Variants in NMNAT2 observed in about 807,000 individuals in gnomAD.
NMNAT2 encodes nicotinamide nucleotide adenylyltransferase 2.
Under a neutral mutation model 41.6 loss-of-function variants are expected in NMNAT2, and 11 were observed. That is an observed-to-expected ratio of 0.26 (90% CI 0.17 to 0.44). NMNAT2 has a LOEUF of 0.44. NMNAT2 is among the 20% of genes least tolerant of loss of function. The pLI, the probability that NMNAT2 is intolerant of heterozygous loss-of-function variation, is 1.00. For synonymous variants in NMNAT2, 148 were observed against 151.2 expected (o/e 0.98, Z 0.16); for missense variants, 288 against 407.7 (o/e 0.71, Z 2.53).
intron 1 of NMNAT2, among the ~76,000 whole-genome samples, chr1:183,409,196 TA>T (rs927078726): frequency 3.3e-5 from 5 of 151,632 alleles, no homozygotes; most frequent in African/African-American, 9.7e-5. Context: ...CTCTAAAAAT[TA>T]AAAAAAAATT....
intron 8 of NMNAT2, among the ~76,000 whole-genome samples, chr1:183,271,584 T>C (rs1456700318): frequency 6.6e-6 from 1 of 152,204 alleles, no homozygotes. Flanking sequence ...TCTTCTAAAC[T>C]TTTCACATGT....
Position 183,249,053 on chromosome 1 carries a change from G to A in NMNAT2, c.*3588C>T, listed in dbSNP as rs917311352. The A allele has an allele frequency of 7.9e-5, 12 of 152,148 alleles. No individual in the cohort carries two copies. Among genetic ancestry groups the A allele is most frequent in the Admixed American group, 7.2e-4 (11 of 15,272 alleles). 9.4% of individuals were successfully genotyped at this position (152,148 alleles called of 1,614,324 possible). A position where few individuals can be genotyped will look rare whatever the true frequency, so the allele number is the denominator to read the frequency against. ...ACTTTCTACTTAATTTGAACAGCAA[G>A]TTCTTTAATTCTTTCTGAGAAGCTG... On this transcript the variant is annotated 3_prime_UTR_variant, in exon 11 of 11. Coordinates refer to ENST00000287713, the MANE Select transcript of NMNAT2 (RefSeq NM_015039.4).
Position 183,251,914 on chromosome 1 carries a change from GGTGCACACGCATGTGTGCGTGT to G in NMNAT2, c.*705_*726del. 1 of 157,526 alleles carries G rather than the reference GGTGCACACGCATGTGTGCGTGT, an allele frequency of 6.3e-6. No homozygotes were observed. The highest frequency in any genetic ancestry group is 1.4e-5 in the Non-Finnish European group (1 of 70,634). The allele number at this position is 157,526 out of a possible 1,614,324, so 9.8% of individuals were successfully genotyped here. A position where few individuals can be genotyped will look rare whatever the true frequency, so the allele number is the denominator to read the frequency against. Reference sequence around the variant, plus strand: ...ATGTGTGTGTGTATGTGCGTGCGCGGGTGCACACGCATGTGTGCGTGTGTGTGTGTGTGCGTGTGTGTGGTGC... The same window carrying G: ...ATGTGTGTGTGTATGTGCGTGCGCGGGTGTGTGTGTGCGTGTGTGTGGTGC... On this transcript the variant is annotated 3_prime_UTR_variant, in exon 11 of 11. Transcript: ENST00000287713.
intron 4 of NMNAT2, among the ~76,000 whole-genome samples, chr1:183,287,690 A>G (rs184776599): frequency 1.3e-5 from 2 of 152,338 alleles, no homozygotes; most frequent in Admixed American, 6.5e-5. Flanking sequence ...TTAGGTTCAC[A>G]GGGGCCACTG....
chr1:183,345,760 C>A (rs976834214), intron 1 of NMNAT2, among the ~76,000 whole-genome samples: 6 of 151,384 alleles, frequency 4.0e-5, no homozygotes, highest in Non-Finnish European at 7.4e-5. Context: ...GATCTCGGCT[C>A]ACTGCAAGCT....
intron 1 of NMNAT2, among the ~76,000 whole-genome samples, chr1:183,317,511 A>C (rs1007921337): frequency 1.3e-5 from 2 of 152,154 alleles, no homozygotes; most frequent in Admixed American, 6.5e-5. Flanking sequence ...GGCTCCAGCT[A>C]TCCTCCTGCC....
At position 183,283,984 on chromosome 1, in the gene NMNAT2, G is replaced by T; in HGVS notation, c.574+11C>A. The T allele has an allele frequency of 6.2e-7, 1 of 1,613,878 alleles. No individual in the cohort carries two copies. The highest frequency in any genetic ancestry group is 8.5e-7 in the Non-Finnish European group (1 of 1,179,836). ...TGTCCCCATTTTCCGCACTTTCGCA[G>T]TCCCACTCACCAATCTCTTCATACC... is the stretch of plus-strand genomic sequence containing the variant. On this transcript the variant is annotated intron_variant, in intron 7 of 10. Coordinates refer to ENST00000287713, the MANE Select transcript of NMNAT2 (RefSeq NM_015039.4).
intron 5 of NMNAT2, 139 bp downstream of exon 5, chr1:183,286,523 C>G (rs570914496): frequency 1.5e-6 from 1 of 649,170 alleles, no homozygotes; most frequent in South Asian, 2.4e-5. Context: ...GCATCAGCAG[C>G]ACCTTATTAA....
intron 1 of NMNAT2, among the ~76,000 whole-genome samples, chr1:183,396,485 T>C (rs1293320461): frequency 6.6e-6 from 1 of 152,102 alleles, no homozygotes; most frequent in Non-Finnish European, 1.5e-5. Context: ...TGGTGGAGTT[T>C]AACTGGTATA....
Position 183,252,088 on chromosome 1 carries a change from A to G in NMNAT2, c.*553T>C, listed in dbSNP as rs896897787. On this transcript the variant is annotated 3_prime_UTR_variant, in exon 11 of 11. Coordinates refer to ENST00000287713, the MANE Select transcript of NMNAT2 (RefSeq NM_015039.4). ...ACCACAGGAGCACATCAAGACTACA[A>G]ACATAAAGAACCATGGACACTGATT... 1 of 154,086 alleles carries G rather than the reference A, an allele frequency of 6.5e-6. No homozygotes were observed. Among genetic ancestry groups the G allele is most frequent in the Non-Finnish European group, 1.4e-5 (1 of 69,372 alleles). 9.5% of individuals were successfully genotyped at this position (154,086 alleles called of 1,614,324 possible).
chr1:183,397,996 C>T (rs1648700987), intron 1 of NMNAT2, among the ~76,000 whole-genome samples: 1 of 152,196 alleles, frequency 6.6e-6, no homozygotes, highest in Admixed American at 6.5e-5. Flanking sequence ...GAAGAAACTG[C>T]ATCAACTAAC....
chr1:183,373,752 G>GTA (rs1175050703), intron 1 of NMNAT2, among the ~76,000 whole-genome samples: 37 of 152,030 alleles, frequency 2.4e-4, no homozygotes, highest in African/African-American at 8.9e-4. Flanking sequence ...AAAGTAGCTG[G>GTA]GACTACAGGC....
At chr1:183,317,629 T>C (rs1258389359) in intron 1 of NMNAT2, among the ~76,000 whole-genome samples, 1 of 152,140 alleles carries the variant, frequency 6.6e-6, no homozygotes, top group East Asian at 1.9e-4. Context: ...TACAATCAAG[T>C]CACCTCTTGC....
At chr1:183,404,067 GATA>G (rs939679337) in intron 1 of NMNAT2, among the ~76,000 whole-genome samples, 4 of 151,094 alleles carry the variant, frequency 2.6e-5, no homozygotes, top group African/African-American at 9.7e-5. Context: ...TCACCAAACT[GATA>G]ATAATTCAGG....
intron 1 of NMNAT2, among the ~76,000 whole-genome samples, chr1:183,380,334 T>C (rs1322724257): frequency 1.3e-5 from 2 of 152,230 alleles, no homozygotes; most frequent in East Asian, 3.8e-4. Context: ...CATCTGTTTA[T>C]TTTTTCTTTT....
intron 1 of NMNAT2, among the ~76,000 whole-genome samples, chr1:183,367,865 G>T (rs1663448410): frequency 6.6e-6 from 1 of 152,156 alleles, no homozygotes; most frequent in Non-Finnish European, 1.5e-5. Context: ...GATTGTCTCA[G>T]CACACCATTT....
chr1:183,398,237 CA>C (rs559264575), intron 1 of NMNAT2, among the ~76,000 whole-genome samples: 2 of 151,014 alleles, frequency 1.3e-5, no homozygotes, highest in Non-Finnish European at 3.0e-5. Context: ...AAATGGAAAA[CA>C]AAAAAAAGCA....
chr1:183,321,223 C>CAA (rs1262088622), intron 1 of NMNAT2, among the ~76,000 whole-genome samples: 1 of 152,178 alleles, frequency 6.6e-6, no homozygotes, highest in Non-Finnish European at 1.5e-5. Flanking sequence ...TCCCCACATA[C>CAA]AAAAAGGATA....
At chr1:183,281,811 T>G (rs982125371) in intron 7 of NMNAT2, among the ~76,000 whole-genome samples, 16 of 152,228 alleles carry the variant, frequency 1.1e-4, no homozygotes, top group African/African-American at 3.9e-4. Context: ...AAAATGGCTT[T>G]TCCTCCTCAT....
Sources: gnomAD v4.1 joint callset for allele counts (sites outside exome capture counted in the v4.1 genomes callset) on GRCh38, gnomAD v4.1.1 for gene constraint, MANE v1.5 for transcripts, NCBI Gene and HGNC (gene_info 2026-07-23, HGNC 2026-07-21) for gene names.